Variants in UBR1 observed in about 807,000 individuals in gnomAD.
The protein encoded by UBR1 is ubiquitin protein ligase E3 component n-recognin 1.
In UBR1, 102 loss-of-function variants were observed where a neutral mutation model predicts 242.1. That is an observed-to-expected ratio of 0.42 (90% CI 0.36 to 0.50). UBR1 has a LOEUF of 0.50. UBR1 is among the 20% of genes least tolerant of loss of function. The pLI is 0.01. For synonymous variants in UBR1, 675 were observed against 684.8 expected, an observed-to-expected ratio of 0.99 and a Z score of 0.22; for missense variants, 1,772 against 2,101.8, an observed-to-expected ratio of 0.84 and a Z score of 3.07.
At chr15:43,059,614 T>A in intron 8 of UBR1, 88 bp downstream of exon 8, 1 of 1,487,842 alleles carries the variant, frequency 6.7e-7, no homozygotes, top group Non-Finnish European at 9.1e-7. Flanking sequence ...AGAAAAACTT[T>A]ATTTCATACT....
chr15:43,073,644 T>G (rs890432901), intron 4 of UBR1, among the ~76,000 whole-genome samples: 2 of 152,204 alleles, frequency 1.3e-5, no homozygotes, highest in African/African-American at 4.8e-5. Flanking sequence ...TAGCTCTCAT[T>G]TAGGTTTCAT....
At chr15:43,054,623 G>T in intron 12 of UBR1, 119 bp downstream of exon 12, 1 of 1,111,242 alleles carries the variant, frequency 9.0e-7, no homozygotes, top group Non-Finnish European at 1.4e-6. Context: ...CTTTGTACTT[G>T]CCATCATTAT....
chr15:43,068,169 G>C (rs1180045746), intron 5 of UBR1, 133 bp from the exon 6 acceptor site: 16 of 375,110 alleles, frequency 4.3e-5, no homozygotes, highest in Non-Finnish European at 6.5e-5. Context: ...CACCATAAAA[G>C]TAATATAGAA....
At chr15:43,021,192 G>T in intron 27 of UBR1, 83 bp downstream of exon 27, 1 of 1,066,974 alleles carries the variant, frequency 9.4e-7, no homozygotes, top group Non-Finnish European at 1.5e-6. Flanking sequence ...GTCTACAATG[G>T]TACAGTGGTT....
At position 42,977,931 on chromosome 15, in the gene UBR1, T is replaced by C. The variant is rs761894888; in HGVS notation, c.4167A>G (p.Ile1389Met). 6.2e-7 allele frequency: 1 copy of C among 1,613,182 alleles called. No individual in the cohort carries two copies. The highest frequency in any genetic ancestry group is 1.1e-5 in the South Asian group (1 of 91,058). Residue 1389 changes from isoleucine to methionine, a missense_variant, in exon 38 of 47, where the codon ATA (isoleucine) becomes ATG (methionine). Physicochemically the swap from Ile to Met is conservative, Grantham distance 10. Coordinates refer to ENST00000290650, the MANE Select transcript of UBR1 (RefSeq NM_174916.3). ...VRLLSVVLPN[I>M]KSEDTPCLLS... The stretch of plus-strand genomic sequence containing the variant: ...GAAGGCATGGTGTATCTTCTGATTT[T>C]ATGTTAGGAAGAACAACTAAAACAA...
chr15:43,007,625 T>C (rs1243964351), intron 29 of UBR1, among the ~76,000 whole-genome samples: 1 of 152,104 alleles, frequency 6.6e-6, no homozygotes, highest in Non-Finnish European at 1.5e-5. Context: ...GGAAAATCTA[T>C]AATAGTATAA....
At chr15:43,049,478 G>A (rs2033527082) in intron 12 of UBR1, among the ~76,000 whole-genome samples, 1 of 152,152 alleles carries the variant, frequency 6.6e-6, no homozygotes, top group Non-Finnish European at 1.5e-5. Context: ...CAGGAGAATG[G>A]CGTGAACCCA....
At chr15:43,014,390 A>C (rs1342750719) in intron 29 of UBR1, among the ~76,000 whole-genome samples, 1 of 150,032 alleles carries the variant, frequency 6.7e-6, no homozygotes, top group Non-Finnish European at 1.5e-5. Flanking sequence ...CCAGTCTGGA[A>C]AGTGAGGAGC....
At chr15:42,983,695 T>TAATAATAAC (rs1454545542) in intron 37 of UBR1, among the ~76,000 whole-genome samples, 1 of 148,096 alleles carries the variant, frequency 6.8e-6, no homozygotes, top group Non-Finnish European at 1.5e-5. Context: ...ATAATAATAA[T>TAATAATAAC]AATAATATCA....
At chr15:43,002,777 T>G in intron 31 of UBR1, 73 bp from the exon 32 acceptor site, 1 of 1,597,758 alleles carries the variant, frequency 6.3e-7, no homozygotes, top group South Asian at 1.1e-5. Context: ...CTACTTGCTC[T>G]AATCCAAGTT....
intron 7 of UBR1, 25 bp downstream of exon 7, chr15:43,060,027 T>C (rs764039765): frequency 1.2e-6 from 2 of 1,612,364 alleles, no homozygotes; most frequent in Non-Finnish European, 1.7e-6. Context: ...TAACTTCTCT[T>C]TTTCCCCCTA....
chr15:43,013,844 T>C (rs942082808), intron 29 of UBR1, among the ~76,000 whole-genome samples: 16 of 152,230 alleles, frequency 1.1e-4, no homozygotes, highest in African/African-American at 3.9e-4. Flanking sequence ...CCTCCAAAAA[T>C]TGAGTTGGCC....
At chr15:43,097,101 T>A (rs1012080558) in intron 1 of UBR1, among the ~76,000 whole-genome samples, 2 of 152,204 alleles carry the variant, frequency 1.3e-5, no homozygotes, top group African/African-American at 4.8e-5. Flanking sequence ...CAATTACTCC[T>A]TGATCCATGG....
chr15:43,041,210 T>C (rs1370844208), intron 15 of UBR1, among the ~76,000 whole-genome samples: 1 of 152,090 alleles, frequency 6.6e-6, no homozygotes, highest in Non-Finnish European at 1.5e-5. Flanking sequence ...CCATCAATGA[T>C]AGACTGGATT....
Position 43,007,096 on chromosome 15 carries a change from G to C in UBR1, c.3398C>G (p.Pro1133Arg), listed in dbSNP as rs377271561. ...STALTQHRGK[P>R]IELSGEALDP... The stretch of plus-strand genomic sequence containing the variant: ...ATACATACCTCCTGAGAGTTCTATG[G>C]GTTTTCCCCTGTGCTGGGTTAAGGC... Residue 1133 changes from proline to arginine, a missense_variant, in exon 30 of 47, where the codon CCC becomes CGC. This residue lies in a region of UBR1 where 965 missense variants were observed against 1,079.7 expected (regional missense o/e 0.89). Coordinates refer to ENST00000290650, the MANE Select transcript of UBR1 (RefSeq NM_174916.3). 5.0e-6 allele frequency: 8 copies of C among 1,614,044 alleles called. No homozygotes were observed. The highest frequency in any genetic ancestry group is 6.8e-6 in the Non-Finnish European group (8 of 1,180,002).
chr15:43,000,056 T>C (rs1299456504), intron 32 of UBR1, among the ~76,000 whole-genome samples: 3 of 152,174 alleles, frequency 2.0e-5, no homozygotes, highest in Non-Finnish European at 4.4e-5. Flanking sequence ...TTTTAAATTT[T>C]TTCGTAAGTT....
intron 37 of UBR1, among the ~76,000 whole-genome samples, chr15:42,981,808 G>A (rs2032383283): frequency 6.6e-6 from 1 of 152,098 alleles, no homozygotes; most frequent in Non-Finnish European, 1.5e-5. Context: ...GCTATTTTAT[G>A]TTTGTTTTTA....
chr15:43,020,010 A>G (rs747012375), intron 27 of UBR1, among the ~76,000 whole-genome samples: 16 of 151,766 alleles, frequency 1.1e-4, no homozygotes, highest in Non-Finnish European at 2.1e-4. Context: ...TATCTACTCA[A>G]TAGCTCAAGC....
chr15:42,988,267 A>G (rs1243347536), intron 35 of UBR1, among the ~76,000 whole-genome samples: 3 of 113,626 alleles, frequency 2.6e-5, no homozygotes, highest in African/African-American at 7.9e-5. Flanking sequence ...CTAAAGGAAT[A>G]TATGTGTGTG....
Sources: gnomAD v4.1 joint callset for allele counts (sites outside exome capture counted in the v4.1 genomes callset) on GRCh38, gnomAD v4.1.1 for gene constraint, gnomAD v4.1.1 regional missense constraint, MANE v1.5 for transcripts, NCBI Gene and HGNC (gene_info 2026-07-23, HGNC 2026-07-21) for gene names.